The following RBFOX1 variants were observed in gnomAD, a reference collection of about 807,000 sequenced individuals.
RBFOX1 encodes RNA binding fox-1 homolog 1.
A neutral mutation model predicts 57.7 loss-of-function variants in RBFOX1; 8 were observed. The observed-to-expected ratio is 0.14, with a 90% CI of 0.08 to 0.25. RBFOX1 has a LOEUF of 0.25. Among genes scored for constraint, RBFOX1 ranks in the 10% least tolerant of loss-of-function variants. The pLI is 1.00. For missense variants in RBFOX1, 611 were observed against 548.5 expected, an observed-to-expected ratio of 1.11 and a Z score of -1.14; for synonymous variants, 326 against 222.4, an observed-to-expected ratio of 1.47 and a Z score of -4.15.
At chr16:6,867,835 C>T (rs1013475013) in intron 3 of RBFOX1, among the ~76,000 whole-genome samples, 1 of 152,194 alleles carries the variant, frequency 6.6e-6, no homozygotes, top group African/African-American at 2.4e-5. Context: ...TAATTATTGA[C>T]ATCCCCCTTT....
chr16:7,007,452 A>T (rs1225581292), intron 3 of RBFOX1, among the ~76,000 whole-genome samples: 1 of 152,164 alleles, frequency 6.6e-6, no homozygotes, highest in Non-Finnish European at 1.5e-5. Context: ...TTTTAGGTGC[A>T]TACTTTTGAT....
chr16:7,403,025 G>T (rs1191563156), intron 4 of RBFOX1, among the ~76,000 whole-genome samples: 6 of 152,218 alleles, frequency 3.9e-5, no homozygotes, highest in African/African-American at 1.4e-4. Context: ...TCACGATGCA[G>T]TTGTGGAATA....
chr16:6,461,872 A>G lies in RBFOX1; in HGVS notation c.-64+144815A>G, dbSNP rs572245339. On this transcript the variant is annotated intron_variant, in intron 2 of 15. Coordinates refer to ENST00000550418, the MANE Select transcript of RBFOX1 (RefSeq NM_018723.4). Reference sequence around the variant, plus strand: ...TTGTGGTAATTATATGGATATTTTCATTGTTCAGTACATTTAATTATGCTT... The same window carrying G: ...TTGTGGTAATTATATGGATATTTTCGTTGTTCAGTACATTTAATTATGCTT... 5.3e-4 allele frequency among the ~76,000 whole-genome samples: 80 copies of G among 152,302 alleles called. 2 individuals are homozygous for G. The South Asian group carries it at 0.012, about 23-fold the overall frequency.
Position 5,454,935 on chromosome 16 carries a change from CTTCCTTCCTTCCTTCCT to C in RBFOX1, c.220-12279_220-12263del, listed in dbSNP as rs1567535639. Among the ~76,000 whole-genome samples the C allele has an allele frequency of 6.7e-4, 27 of 40,180 alleles. No individual in the cohort carries two copies. The East Asian group carries it at 9.7e-3, about 14-fold the overall frequency. The allele number at this position is 40,180 out of a possible 152,430, so 26.4% of individuals were successfully genotyped here. Reference sequence around the variant, plus strand: ...CTTTCCTTTGTTTCTTTCTTCCTTCCTTCCTTCCTTCCTTCCTTCCTTCCTTTCTTTCTTTCTTTCTT... The same window carrying C: ...CTTTCCTTTGTTTCTTTCTTCCTTCCTCCTTCCTTTCTTTCTTTCTTTCTT... On this transcript the variant is annotated intron_variant, in intron 1 of 2. Coordinates refer to the RBFOX1 transcript ENST00000585867.
chr16:5,451,315 A>G (rs563086668), intron 1 of RBFOX1, among the ~76,000 whole-genome samples: 1 of 152,124 alleles, frequency 6.6e-6, no homozygotes, highest in East Asian at 1.9e-4. Context: ...TCAGAGAGCG[A>G]TGATTTGTAA....
intron 2 of RBFOX1, among the ~76,000 whole-genome samples, chr16:6,490,567 CT>C: frequency 6.6e-6 from 1 of 152,300 alleles, no homozygotes; most frequent in Non-Finnish European, 1.5e-5. Context: ...ATTTATTGCC[CT>C]GCAGAAAGCT....
intron 10 of RBFOX1, among the ~76,000 whole-genome samples, chr16:7,613,831 A>G (rs957593660): frequency 3.9e-5 from 6 of 152,154 alleles, no homozygotes; most frequent in African/African-American, 1.4e-4. Context: ...ATACAATAGC[A>G]TCTGAGAAAA....
chr16:5,307,762 A>T (rs2063976535), intron 1 of RBFOX1, among the ~76,000 whole-genome samples: 2 of 152,096 alleles, frequency 1.3e-5, no homozygotes, highest in African/African-American at 4.8e-5. Flanking sequence ...CAACCTCAAA[A>T]TCCAGGGCTT....
intron 1 of RBFOX1, among the ~76,000 whole-genome samples, chr16:6,228,340 AAAAC>A (rs2097432643): frequency 3.3e-5 from 5 of 151,990 alleles, no homozygotes; most frequent in African/African-American, 4.8e-5. Context: ...AAATAAAATA[AAAAC>A]TAAACAAAAT....
chr16:7,130,735 G>C (rs1215607412), intron 4 of RBFOX1, among the ~76,000 whole-genome samples: 1 of 152,102 alleles, frequency 6.6e-6, no homozygotes, highest in Non-Finnish European at 1.5e-5. Context: ...CCCATTCCTG[G>C]CCAAATTCTT....
At chr16:6,949,869 T>C (rs2080336333) in intron 3 of RBFOX1, among the ~76,000 whole-genome samples, 1 of 152,054 alleles carries the variant, frequency 6.6e-6, no homozygotes, top group Non-Finnish European at 1.5e-5. Flanking sequence ...AGCCCCTCTG[T>C]TGCTGAACTG....
At chr16:5,679,427 C>A (rs1246468956) in intron 3 of RBFOX1, among the ~76,000 whole-genome samples, 1 of 151,668 alleles carries the variant, frequency 6.6e-6, no homozygotes, top group Non-Finnish European at 1.5e-5. Flanking sequence ...TGGTGGTTTG[C>A]TGCACCTATC....
chr16:6,142,355 G>T (rs1187394391), intron 1 of RBFOX1, among the ~76,000 whole-genome samples: 3 of 151,272 alleles, frequency 2.0e-5, no homozygotes, highest in African/African-American at 7.3e-5. Flanking sequence ...CCGAGTAGCT[G>T]GGACTACAGG....
intron 3 of RBFOX1, among the ~76,000 whole-genome samples, chr16:6,754,540 C>T (rs1221530618): frequency 6.6e-6 from 1 of 152,158 alleles, no homozygotes; most frequent in African/African-American, 2.4e-5. Flanking sequence ...CTCCTCTGCA[C>T]TAATTCCCAC....
At position 7,303,265 on chromosome 16, in the gene RBFOX1, G is replaced by T. The variant is rs778200536; in HGVS notation, c.28-214882G>T. ...CGCCCGGGGGTGCATCGGCGCTTCG[G>T]TGCTCTGCTGGGGGGCGCAGAAACC... On this transcript the variant is annotated intron_variant, in intron 4 of 15. Coordinates refer to ENST00000550418, the MANE Select transcript of RBFOX1 (RefSeq NM_018723.4). 2.2e-4 allele frequency among the ~76,000 whole-genome samples: 34 copies of T among 152,310 alleles called. No individual in the cohort carries two copies. The East Asian group carries it at 6.2e-3, about 28-fold the overall frequency.
intron 14 of RBFOX1, among the ~76,000 whole-genome samples, chr16:7,702,229 C>G (rs2080976777): frequency 6.6e-6 from 1 of 152,194 alleles, no homozygotes; most frequent in Admixed American, 6.5e-5. Context: ...AGAGACTGAT[C>G]ATTTCAGAGA....
chr16:6,547,729 G>T (rs549027071), intron 2 of RBFOX1, among the ~76,000 whole-genome samples: 1 of 151,332 alleles, frequency 6.6e-6, no homozygotes, highest in African/African-American at 2.4e-5. Flanking sequence ...ATCTACTCTG[G>T]GATACATTTC....
intron 2 of RBFOX1, among the ~76,000 whole-genome samples, chr16:6,597,873 C>G (rs962435697): frequency 6.6e-6 from 1 of 152,108 alleles, no homozygotes; most frequent in Non-Finnish European, 1.5e-5. Context: ...CCATGGCCAT[C>G]TTGGCACCAT....
intron 1 of RBFOX1, among the ~76,000 whole-genome samples, chr16:5,309,081 C>A (rs983096254): frequency 6.6e-6 from 1 of 152,130 alleles, no homozygotes; most frequent in Admixed American, 6.5e-5. Context: ...ACACACTCCA[C>A]GAATTTGTTA....
Sources: gnomAD v4.1 joint callset for allele counts (sites outside exome capture counted in the v4.1 genomes callset) on GRCh38, gnomAD v4.1.1 for gene constraint, MANE v1.5 for transcripts, NCBI Gene and HGNC (gene_info 2026-07-23, HGNC 2026-07-21) for gene names.